Variants in TAF4B observed in about 807,000 individuals in gnomAD.
TAF4B encodes TATA-box binding protein associated factor 4b.
In TAF4B, 38 loss-of-function variants were observed where a neutral mutation model predicts 86.4. The ratio of observed to expected loss-of-function variants is 0.44; its 90% CI spans 0.34 to 0.58. TAF4B has a LOEUF of 0.58. TAF4B is among the 20% of genes least tolerant of loss of function. The pLI is 0.02. For missense variants in TAF4B, 988 were observed against 1,027.6 expected, an observed-to-expected ratio of 0.96 and a Z score of 0.53; for synonymous variants, 388 against 391.2, an observed-to-expected ratio of 0.99 and a Z score of 0.10.
chr18:26,278,481 AT>A (rs1040477220), intron 5 of TAF4B, among the ~76,000 whole-genome samples: 115 of 151,876 alleles, frequency 7.6e-4, no homozygotes, highest in African/African-American at 2.7e-3. Flanking sequence ...GTTTTAAAAT[AT>A]TTTTTTGTAG....
intron 1 of TAF4B, among the ~76,000 whole-genome samples, chr18:26,227,672 G>T (rs2055599287): frequency 6.6e-6 from 1 of 152,198 alleles, no homozygotes; most frequent in African/African-American, 2.4e-5. Flanking sequence ...ATGAACGAAT[G>T]AGGTATGGTT....
At chr18:26,285,765 G>T in intron 6 of TAF4B, 117 bp from the exon 7 acceptor site, 1 of 1,276,102 alleles carries the variant, frequency 7.8e-7, no homozygotes. Flanking sequence ...GTCTTCAACT[G>T]AAATACTTGA....
intron 9 of TAF4B, among the ~76,000 whole-genome samples, chr18:26,303,016 C>G (rs1335402900): frequency 7.2e-6 from 1 of 138,758 alleles, no homozygotes; most frequent in Non-Finnish European, 1.7e-5. Context: ...TTTCTACCTA[C>G]TTCTCCTTCT....
At position 26,390,134 on chromosome 18, in the gene TAF4B, A is replaced by G; in HGVS notation, c.*122A>G. ...TCACCAACATGAAAGAGCATTGTTT[A>G]CAGTTAGAAACTTTATTAACTCTTA... On this transcript the variant is annotated 3_prime_UTR_variant, in exon 15 of 15. Coordinates refer to ENST00000269142, the MANE Select transcript of TAF4B (RefSeq NM_005640.3). 9.7e-7 allele frequency: 1 copy of G among 1,030,944 alleles called. No individual in the cohort carries two copies. The highest frequency in any genetic ancestry group is 1.4e-6 in the Non-Finnish European group (1 of 715,882). The allele number at this position is 1,030,944 out of a possible 1,614,324, so 63.9% of individuals were successfully genotyped here.
chr18:26,349,633 G>GCAAT (rs1219786880), intron 13 of TAF4B, among the ~76,000 whole-genome samples: 1 of 152,172 alleles, frequency 6.6e-6, no homozygotes, highest in East Asian at 1.9e-4. Flanking sequence ...ACTAGCCAAA[G>GCAAT]CAATCAACAG....
At chr18:26,346,044 C>CT (rs2057176339) in intron 13 of TAF4B, among the ~76,000 whole-genome samples, 5 of 152,120 alleles carry the variant, frequency 3.3e-5, no homozygotes, top group Non-Finnish European at 7.4e-5. Context: ...GCATAGCTCA[C>CT]TGTAACTTTG....
chr18:26,328,089 C>T (rs1030761113), intron 12 of TAF4B, among the ~76,000 whole-genome samples: 6 of 152,154 alleles, frequency 3.9e-5, no homozygotes, highest in African/African-American at 7.2e-5. Flanking sequence ...TAATTTCTAG[C>T]GTTCTTGATA....
At chr18:26,305,848 C>T (rs1168015645) in intron 9 of TAF4B, among the ~76,000 whole-genome samples, 1 of 152,060 alleles carries the variant, frequency 6.6e-6, no homozygotes, top group Non-Finnish European at 1.5e-5. Context: ...CATGGCAGTT[C>T]CATGAAGTTT....
At chr18:26,318,050 T>G (rs2056929657) in intron 10 of TAF4B, among the ~76,000 whole-genome samples, 2 of 152,172 alleles carry the variant, frequency 1.3e-5, no homozygotes, top group Non-Finnish European at 2.9e-5. Context: ...TATTTATTTT[T>G]GGGATGTGGT....
At chr18:26,321,272 C>T in intron 11 of TAF4B, 72 bp downstream of exon 11, 11 of 1,513,192 alleles carry the variant, frequency 7.3e-6, no homozygotes, top group Non-Finnish European at 9.1e-6. Flanking sequence ...GATTGATATT[C>T]TAAACACGTT....
intron 13 of TAF4B, among the ~76,000 whole-genome samples, chr18:26,338,470 A>ATTTTTTT (rs764826705): frequency 2.9e-4 from 21 of 71,204 alleles, no homozygotes; most frequent in South Asian, 1.4e-3. Context: ...AAGAACTAGA[A>ATTTTTTT]TTTTTTTTTT....
intron 14 of TAF4B, among the ~76,000 whole-genome samples, chr18:26,389,565 G>T (rs1360676526): frequency 6.6e-6 from 1 of 152,220 alleles, no homozygotes; most frequent in Non-Finnish European, 1.5e-5. Context: ...CAATGCACTG[G>T]AAAGAATGGA....
chr18:26,390,188 C>T lies in TAF4B; in HGVS notation c.*176C>T. The T allele has an allele frequency of 1.9e-6, 1 of 533,772 alleles. No homozygotes were observed. Among genetic ancestry groups the T allele is most frequent in the Non-Finnish European group, 3.2e-6 (1 of 317,164 alleles). The allele number at this position is 533,772 out of a possible 1,614,324, so 33.1% of individuals were successfully genotyped here. A position where few individuals can be genotyped will look rare whatever the true frequency, so the allele number is the denominator to read the frequency against. On this transcript the variant is annotated 3_prime_UTR_variant, in exon 15 of 15. Transcript: ENST00000269142. Reference sequence around the variant, plus strand: ...ATCCATCTCATGGGACTCTTACAGACTCAGATTCATCTTTGTCTTCTGAAA... The same window carrying T: ...ATCCATCTCATGGGACTCTTACAGATTCAGATTCATCTTTGTCTTCTGAAA...
At chr18:26,322,290 A>G (rs1307803121) in intron 11 of TAF4B, among the ~76,000 whole-genome samples, 1 of 151,778 alleles carries the variant, frequency 6.6e-6, no homozygotes, top group Non-Finnish European at 1.5e-5. Flanking sequence ...TTTCCTTTCC[A>G]TTTAGAACTT....
At chr18:26,249,432 A>G (rs979576365) in intron 1 of TAF4B, among the ~76,000 whole-genome samples, 29 of 151,638 alleles carry the variant, frequency 1.9e-4, no homozygotes, top group Admixed American at 1.8e-3. Context: ...GTGATCCAAG[A>G]TTGCACTCCA....
At chr18:26,312,061 A>G (rs556597874) in intron 9 of TAF4B, among the ~76,000 whole-genome samples, 1 of 152,272 alleles carries the variant, frequency 6.6e-6, no homozygotes, top group African/African-American at 2.4e-5. Context: ...TTTTCTACTG[A>G]GGCACTATTA....
chr18:26,264,263 A>G (rs1457584424), intron 1 of TAF4B, among the ~76,000 whole-genome samples: 3 of 152,076 alleles, frequency 2.0e-5, no homozygotes, highest in African/African-American at 7.2e-5. Flanking sequence ...ACATGGCAAA[A>G]CCTCATCTCT....
rs1250678390 is a variant in TAF4B, at chr18:26,318,996, C to T, written c.2003-2074C>T. 5.3e-5 allele frequency among the ~76,000 whole-genome samples: 8 copies of T among 151,562 alleles called. No homozygotes were observed. The South Asian group carries it at 1.7e-3, about 32-fold the overall frequency. On this transcript the variant is annotated intron_variant, in intron 10 of 14. Coordinates refer to ENST00000269142, the MANE Select transcript of TAF4B (RefSeq NM_005640.3). ...ATTGCTTGAGCCCAGAAGCTAGAGA[C>T]CAGCCTGGGCAACATAGTGAGACCC...
At chr18:26,361,788 T>C (rs976678773) in intron 14 of TAF4B, among the ~76,000 whole-genome samples, 1 of 148,776 alleles carries the variant, frequency 6.7e-6, no homozygotes, top group Non-Finnish European at 1.5e-5. Flanking sequence ...TAGTTCAGCA[T>C]AGAATTTATC....
Sources: allele counts gnomAD v4.1 joint callset (sites outside exome capture counted in the v4.1 genomes callset), GRCh38; gene constraint gnomAD v4.1.1; transcripts MANE v1.5; gene names NCBI Gene and HGNC (gene_info 2026-07-23, HGNC 2026-07-21).